The following ZFYVE28 variants were observed in gnomAD, a reference collection of about 807,000 sequenced individuals.
The protein encoded by ZFYVE28 is zinc finger FYVE-type containing 28, also known as lateral signaling target protein 2 homolog.
In ZFYVE28, 40 loss-of-function variants were observed where a neutral mutation model predicts 82.1. The observed-to-expected ratio is 0.49, with a 90% CI of 0.38 to 0.63. ZFYVE28 has a LOEUF of 0.63. Among genes scored for constraint, ZFYVE28 ranks in the 30% least tolerant of loss-of-function variants. ZFYVE28 has a pLI of 0.00. For synonymous variants in ZFYVE28, 612 were observed against 546.1 expected (o/e 1.12, Z -1.68); for missense variants, 1,321 against 1,242.1 (o/e 1.06, Z -0.96).
intron 1 of ZFYVE28, among the ~76,000 whole-genome samples, chr4:2,367,886 C>A (rs1727052539): frequency 6.6e-6 from 1 of 152,176 alleles, no homozygotes; most frequent in Non-Finnish European, 1.5e-5. Context: ...CTCCTCTAAT[C>A]ACGGAGCCCC....
At chr4:2,289,409 G>A (rs539036697) in intron 8 of ZFYVE28, among the ~76,000 whole-genome samples, 12 of 152,346 alleles carry the variant, frequency 7.9e-5, no homozygotes, top group South Asian at 4.1e-4. Flanking sequence ...GCCCTGGGCC[G>A]CGTAACACAG....
chr4:2,403,381 G>A (rs1238474148), intron 1 of ZFYVE28, among the ~76,000 whole-genome samples: 3 of 152,258 alleles, frequency 2.0e-5, no homozygotes, highest in Admixed American at 6.5e-5. Context: ...TCACACACAC[G>A]AGTGTCAACA....
chr4:2,346,183 A>T (rs977212846), intron 2 of ZFYVE28, among the ~76,000 whole-genome samples: 6 of 120,406 alleles, frequency 5.0e-5, no homozygotes, highest in Admixed American at 8.3e-5. Flanking sequence ...AAAAAAAAAA[A>T]TACAAAAAAT....
intron 1 of ZFYVE28, among the ~76,000 whole-genome samples, chr4:2,404,452 C>G (rs754534845): frequency 3.9e-5 from 6 of 152,220 alleles, no homozygotes; most frequent in Non-Finnish European, 8.8e-5. Flanking sequence ...GGAGACTACC[C>G]AAATGTCCAT....
chr4:2,367,375 C>G (rs1726997307), intron 1 of ZFYVE28, among the ~76,000 whole-genome samples: 1 of 152,272 alleles, frequency 6.6e-6, no homozygotes, highest in Non-Finnish European at 1.5e-5. Context: ...CTCAAGCCCC[C>G]CGTTGCAGGG....
rs201544647 is a variant in ZFYVE28 at position 2,305,200 on chromosome 4, G to A, written c.1140C>T (p.Gly380=). The A allele has an allele frequency of 1.7e-4, 267 of 1,603,800 alleles. No homozygotes were observed. The highest frequency in any genetic ancestry group is 1.2e-3 in the South Asian group (110 of 90,460). ...GCGGTCTACCTGGAGAGGCCTCCCC[G>A]CCTGGGCTGCCCTCCGCTCCTGGCC... ...AHRPGAEGSP[G]GEASPGRPRL... is the part of the protein sequence containing the mutation. Residue 380 remains glycine, a synonymous_variant, in exon 8 of 13, where the codon GGC becomes GGT. Transcript: ENST00000290974.
intron 1 of ZFYVE28, among the ~76,000 whole-genome samples, chr4:2,369,723 C>T (rs1329115498): frequency 2.6e-5 from 4 of 151,840 alleles, no homozygotes; most frequent in African/African-American, 7.3e-5. Flanking sequence ...CCGGCAACAC[C>T]GGGAGCTGGA....
At chr4:2,304,215 T>C in intron 8 of ZFYVE28, 74 bp downstream of exon 8, 1 of 1,490,424 alleles carries the variant, frequency 6.7e-7, no homozygotes, top group Non-Finnish European at 8.9e-7. Context: ...ACTGCAATGC[T>C]TGGAGAATGC....
intron 7 of ZFYVE28, among the ~76,000 whole-genome samples, chr4:2,314,074 A>G (rs1046531692): frequency 6.6e-6 from 1 of 152,198 alleles, no homozygotes; most frequent in Non-Finnish European, 1.5e-5. Flanking sequence ...TAAGTTTTAC[A>G]GCTATGTTAT....
At chr4:2,388,255 A>C (rs1456131531) in intron 1 of ZFYVE28, among the ~76,000 whole-genome samples, 2 of 152,254 alleles carry the variant, frequency 1.3e-5, no homozygotes, top group Non-Finnish European at 2.9e-5. Context: ...CATGGATCCC[A>C]TCAGGAGAAG....
intron 1 of ZFYVE28, among the ~76,000 whole-genome samples, chr4:2,398,355 G>C (rs915616254): frequency 6.6e-6 from 1 of 152,210 alleles, no homozygotes; most frequent in Non-Finnish European, 1.5e-5. Context: ...GCTTCTTCAA[G>C]GACTTCTGCT....
chr4:2,414,914 G>C (rs1732875634), intron 1 of ZFYVE28, among the ~76,000 whole-genome samples: 1 of 152,180 alleles, frequency 6.6e-6, no homozygotes, highest in Non-Finnish European at 1.5e-5. Context: ...CTCTTGAAAA[G>C]ACTTTAAAGA....
intron 2 of ZFYVE28, among the ~76,000 whole-genome samples, chr4:2,343,702 G>C (rs1034978534): frequency 6.6e-6 from 1 of 152,142 alleles, no homozygotes; most frequent in African/African-American, 2.4e-5. Context: ...TAAGGCTGTA[G>C]TGCTCAGCCC....
chr4:2,302,625 G>A (rs557562097), intron 8 of ZFYVE28, among the ~76,000 whole-genome samples: 19 of 152,304 alleles, frequency 1.2e-4, no homozygotes, highest in African/African-American at 4.6e-4. Context: ...CCGCTCACAG[G>A]GATCCACCCA....
chr4:2,304,140 A>G, intron 8 of ZFYVE28, 149 bp downstream of exon 8: 4 of 1,047,288 alleles, frequency 3.8e-6, no homozygotes, highest in South Asian at 1.9e-5. Flanking sequence ...CCCTCCTCAC[A>G]CACAGACCCC....
chr4:2,298,626 C>T (rs957973728), intron 8 of ZFYVE28, among the ~76,000 whole-genome samples: 17 of 152,312 alleles, frequency 1.1e-4, no homozygotes, highest in African/African-American at 2.6e-4. Context: ...CCTAGAGCAA[C>T]GGCCAGAGAG....
intron 8 of ZFYVE28, among the ~76,000 whole-genome samples, chr4:2,280,373 T>C (rs1301951313): frequency 6.6e-6 from 1 of 151,986 alleles, no homozygotes; most frequent in Non-Finnish European, 1.5e-5. Context: ...CCAGGCATGA[T>C]GGTGTGCACC....
intron 1 of ZFYVE28, among the ~76,000 whole-genome samples, chr4:2,363,345 G>T (rs1726419519): frequency 6.6e-6 from 1 of 152,138 alleles, no homozygotes; most frequent in Non-Finnish European, 1.5e-5. Flanking sequence ...GGGAGGGACT[G>T]CCCAGAACAG....
In ZFYVE28 at chr4:2,320,152, C is replaced by T. The variant is rs372874439; in HGVS notation, c.803+18G>A. On this transcript the variant is annotated intron_variant, in intron 7 of 12. Transcript: ENST00000290974. This position sits in a 1 kb window ranked among gnomAD's most constrained non-coding sequence, Gnocchi z 5.1. ...CTGTCCCCCTCCCCTCCCCCACCTCCTCTAGCTCCATCCCCACCTTATTTT... is the reference window on the plus strand; with the variant it reads ...CTGTCCCCCTCCCCTCCCCCACCTCTTCTAGCTCCATCCCCACCTTATTTT... 1.2e-6 allele frequency: 2 copies of T among 1,611,138 alleles called. No individual in the cohort carries two copies. Among genetic ancestry groups the T allele is most frequent in the East Asian group, 2.2e-5 (1 of 44,844 alleles).
Sources: allele counts gnomAD v4.1 joint callset (sites outside exome capture counted in the v4.1 genomes callset), GRCh38; gene constraint gnomAD v4.1.1; non-coding constraint Gnocchi (gnomAD v3.1); transcripts MANE v1.5; gene names NCBI Gene and HGNC (gene_info 2026-07-23, HGNC 2026-07-21).